The following PIK3R3 variants were observed in gnomAD, a reference collection of about 807,000 sequenced individuals.
The protein encoded by PIK3R3 is phosphoinositide-3-kinase regulatory subunit 3, also known as phosphatidylinositol 3-kinase regulatory subunit gamma.
In PIK3R3, 64 loss-of-function variants were observed where a neutral mutation model predicts 62.9. The ratio of observed to expected loss-of-function variants is 1.02; its 90% CI spans 0.83 to 1.25. The LOEUF (loss-of-function observed/expected upper bound fraction) is 1.25. PIK3R3 is among the 50% of genes most tolerant of loss of function. The probability of loss-of-function intolerance (pLI) is 0.00; values close to 1 mark genes in which losing one functional copy is unlikely to be tolerated. For missense variants in PIK3R3, 614 were observed against 561.6 expected (o/e 1.09, Z -0.94); for synonymous variants, 165 against 189.0 (o/e 0.87, Z 1.04).
chr1:46,107,520 A>G (rs1341083684), intron 1 of PIK3R3, among the ~76,000 whole-genome samples: 1 of 152,198 alleles, frequency 6.6e-6, no homozygotes, highest in Non-Finnish European at 1.5e-5. Context: ...ACGCCACTGC[A>G]CTCCAGCCTG....
intron 7 of PIK3R3, among the ~76,000 whole-genome samples, chr1:46,048,936 T>G (rs963808191): frequency 6.6e-6 from 1 of 152,170 alleles, no homozygotes; most frequent in Non-Finnish European, 1.5e-5. Context: ...AGTAAATACG[T>G]TAATTCACAT....
At chr1:46,167,696 G>T in the PIK3R3 span, among the ~76,000 whole-genome samples, 2 of 152,154 alleles carry the variant, frequency 1.3e-5, no homozygotes, top group Non-Finnish European at 2.9e-5. Context: ...CAGAGCACAG[G>T]CATCCTGACC....
chr1:46,152,294 G>A, the PIK3R3 span, among the ~76,000 whole-genome samples: 1 of 151,596 alleles, frequency 6.6e-6, no homozygotes, highest in Non-Finnish European at 1.5e-5. Flanking sequence ...GGTATCTACC[G>A]CCCACAGCAT....
intron 1 of PIK3R3, among the ~76,000 whole-genome samples, chr1:46,082,800 C>G (rs1650723820): frequency 6.6e-6 from 1 of 152,092 alleles, no homozygotes; most frequent in African/African-American, 2.4e-5. Context: ...TACGGTGGCT[C>G]ACACCTGTAA....
At chr1:46,050,030 A>T (rs774668575) in intron 7 of PIK3R3, among the ~76,000 whole-genome samples, 2 of 151,064 alleles carry the variant, frequency 1.3e-5, no homozygotes, top group Non-Finnish European at 2.9e-5. Context: ...CTGATGCAGG[A>T]GAAGTGCTTG....
At chr1:46,078,918 A>C (rs1321066502) in intron 2 of PIK3R3, among the ~76,000 whole-genome samples, 2 of 152,182 alleles carry the variant, frequency 1.3e-5, no homozygotes, top group Admixed American at 6.5e-5. Context: ...AAGTACCTAC[A>C]ATTGAATTCA....
At chr1:46,161,830 A>C in the PIK3R3 span, among the ~76,000 whole-genome samples, 6,518 of 152,276 alleles carry the variant, frequency 0.043, 370 homozygotes, top group African/African-American at 0.13. Context: ...CGGTGGCTCA[A>C]GCCTGTAATC....
At chr1:46,079,331 T>C (rs1173004036) in intron 2 of PIK3R3, among the ~76,000 whole-genome samples, 1 of 152,210 alleles carries the variant, frequency 6.6e-6, no homozygotes, top group Non-Finnish European at 1.5e-5. Flanking sequence ...ATTCCCTCTT[T>C]AGGTTCAAAA....
At chr1:46,114,919 T>A (rs934246584) in intron 1 of PIK3R3, among the ~76,000 whole-genome samples, 1 of 151,826 alleles carries the variant, frequency 6.6e-6, no homozygotes, top group African/African-American at 2.4e-5. Context: ...CTGGCTGCAA[T>A]CTGTAATTTA....
In PIK3R3 at chr1:46,066,016, T is replaced by C. The variant is rs199967626; in HGVS notation, c.621+38A>G. ...CGAAAATTTGATGTAACTAAAACAT[T>C]GCACACATATTAGTCAAAAACAACA... On this transcript the variant is annotated intron_variant, in intron 5 of 9. Transcript: ENST00000262741. 602 of 1,579,860 alleles carry C rather than the reference T, an allele frequency of 3.8e-4. 1 individual carries two copies. The highest frequency in any genetic ancestry group is 4.8e-4 in the Non-Finnish European group (554 of 1,150,544).
the PIK3R3 span, among the ~76,000 whole-genome samples, chr1:46,154,632 G>A: frequency 6.6e-6 from 1 of 152,098 alleles, no homozygotes; most frequent in African/African-American, 2.4e-5. Context: ...AGGAAATGAG[G>A]AATAGAGATA....
chr1:46,104,564 GA>G (rs1210572420), intron 1 of PIK3R3, among the ~76,000 whole-genome samples: 1 of 152,046 alleles, frequency 6.6e-6, no homozygotes, highest in Non-Finnish European at 1.5e-5. Flanking sequence ...ACAATCATAA[GA>G]ATTTGCACCA....
intron 1 of PIK3R3, among the ~76,000 whole-genome samples, chr1:46,122,768 T>A (rs1654790807): frequency 6.6e-6 from 1 of 152,192 alleles, no homozygotes; most frequent in African/African-American, 2.4e-5. Context: ...CATTATTCCC[T>A]TTGTTACAAT....
chr1:46,109,186 A>T (rs1379423407), intron 1 of PIK3R3, among the ~76,000 whole-genome samples: 1 of 143,682 alleles, frequency 7.0e-6, no homozygotes, highest in African/African-American at 2.6e-5. Flanking sequence ...AAAAAAAATT[A>T]TGTTTCTCTG....
At chr1:46,055,312 T>C (rs761797641) in intron 7 of PIK3R3, among the ~76,000 whole-genome samples, 3 of 152,168 alleles carry the variant, frequency 2.0e-5, no homozygotes, top group Non-Finnish European at 4.4e-5. Flanking sequence ...TTCACTATGT[T>C]GGCCAGGCTG....
At chr1:46,162,944 A>T in the PIK3R3 span, among the ~76,000 whole-genome samples, 18 of 152,180 alleles carry the variant, frequency 1.2e-4, no homozygotes, top group Non-Finnish European at 2.5e-4. Flanking sequence ...TTCTTAAAGG[A>T]TACTTTATAT....
the PIK3R3 span, among the ~76,000 whole-genome samples, chr1:46,169,395 G>A: frequency 6.6e-6 from 1 of 152,100 alleles, no homozygotes; most frequent in Non-Finnish European, 1.5e-5. Flanking sequence ...TCAAATGTGG[G>A]CATTATTTTT....
At chr1:46,098,565 T>C (rs968751091) in intron 1 of PIK3R3, among the ~76,000 whole-genome samples, 4 of 152,222 alleles carry the variant, frequency 2.6e-5, no homozygotes, top group Non-Finnish European at 5.9e-5. Flanking sequence ...GAAAACATTA[T>C]GCTAAGTGAA....
chr1:46,080,583 T>G lies in PIK3R3; in HGVS notation c.215+59A>C, dbSNP rs984043731. Reference sequence around the variant, plus strand: ...GCTTAAAATGGTTTACTTTAACTACTAATTCTCAAAAATGACTTTTTAAAA... The same window carrying G: ...GCTTAAAATGGTTTACTTTAACTACGAATTCTCAAAAATGACTTTTTAAAA... On this transcript the variant is annotated intron_variant, in intron 2 of 9. Coordinates refer to ENST00000262741, the MANE Select transcript of PIK3R3 (RefSeq NM_003629.4). 1.4e-5 allele frequency: 16 copies of G among 1,152,474 alleles called. No homozygotes were observed. In the East Asian group the frequency reaches 3.8e-4, roughly 27 times the overall value. 71.4% of individuals were successfully genotyped at this position (1,152,474 alleles called of 1,614,324 possible). A position where few individuals can be genotyped will look rare whatever the true frequency, so the allele number is the denominator to read the frequency against.
Sources: gnomAD v4.1 joint callset for allele counts (sites outside exome capture counted in the v4.1 genomes callset) on GRCh38, gnomAD v4.1.1 for gene constraint, MANE v1.5 for transcripts, NCBI Gene and HGNC (gene_info 2026-07-23, HGNC 2026-07-21) for gene names.